MTUS2: variants seen among roughly 807,000 people sequenced by gnomAD.
The protein encoded by MTUS2 is microtubule-associated tumor suppressor candidate 2.
In MTUS2, 40 loss-of-function variants were observed where a neutral mutation model predicts 114.1. The ratio of observed to expected loss-of-function variants is 0.35; its 90% CI spans 0.27 to 0.46. The LOEUF is 0.46. Among genes scored for constraint, MTUS2 ranks in the 20% least tolerant of loss-of-function variants. The pLI, the probability that MTUS2 is intolerant of heterozygous loss-of-function variation, is 1.00. For synonymous variants in MTUS2, 688 were observed against 672.0 expected, an observed-to-expected ratio of 1.02 and a Z score of -0.37; for missense variants, 1,679 against 1,705.4, an observed-to-expected ratio of 0.98 and a Z score of 0.27.
chr13:28,889,914 A>G lies in MTUS2; in HGVS notation c.-243+50064A>G, dbSNP rs1487925924. 2.0e-5 allele frequency among the ~76,000 whole-genome samples: 3 copies of G among 152,086 alleles called. No individual in the cohort carries two copies. The East Asian group carries it at 5.8e-4, about 29-fold the overall frequency. ...AATGCAGGTGTGTGAGGCTGAGGTG[A>G]GGGGATGCAGGATGTGGGGTGCCCC... On this transcript the variant is annotated intron_variant, in intron 2 of 15. Transcript: ENST00000612955.
At chr13:28,869,697 G>A (rs1351237630) in intron 2 of MTUS2, among the ~76,000 whole-genome samples, 1 of 152,168 alleles carries the variant, frequency 6.6e-6, no homozygotes, top group African/African-American at 2.4e-5. Context: ...CTTGAACCTG[G>A]AAGGTGGAGG....
chr13:29,211,667 A>G (rs1280847771), intron 5 of MTUS2, among the ~76,000 whole-genome samples: 2 of 152,072 alleles, frequency 1.3e-5, no homozygotes, highest in Non-Finnish European at 2.9e-5. Context: ...TCAGCTCTCT[A>G]AATTTGTCTT....
chr13:28,960,969 A>G (rs1452177382), intron 2 of MTUS2, among the ~76,000 whole-genome samples: 1 of 152,196 alleles, frequency 6.6e-6, no homozygotes, highest in African/African-American at 2.4e-5. Flanking sequence ...CCAAATGGAC[A>G]TTGTAGAACT....
At chr13:29,406,788 A>G (rs7335657) in intron 8 of MTUS2, among the ~76,000 whole-genome samples, 1,757 of 149,718 alleles carry the variant, frequency 0.012, 35 homozygotes, top group African/African-American at 0.041. Context: ...GTGTTTGCCT[A>G]TTTTTACTCT....
chr13:29,020,121 G>A (rs1641541948), intron 2 of MTUS2, among the ~76,000 whole-genome samples: 1 of 152,152 alleles, frequency 6.6e-6, no homozygotes, highest in Non-Finnish European at 1.5e-5. Flanking sequence ...CATCAGGTAG[G>A]TTATAAGCCT....
chr13:28,860,584 G>A (rs1288269274), intron 2 of MTUS2, among the ~76,000 whole-genome samples: 3 of 152,154 alleles, frequency 2.0e-5, no homozygotes, highest in Non-Finnish European at 4.4e-5. Context: ...ATCGCCACAT[G>A]CTGCATGTCA....
chr13:29,173,789 T>TA (rs910109870), intron 5 of MTUS2, among the ~76,000 whole-genome samples: 62 of 152,180 alleles, frequency 4.1e-4, no homozygotes, highest in African/African-American at 1.4e-3. Flanking sequence ...AAACCTGCAT[T>TA]AAAAAAACTC....
chr13:29,366,231 T>C (rs1029411014), intron 8 of MTUS2, among the ~76,000 whole-genome samples: 18 of 152,168 alleles, frequency 1.2e-4, no homozygotes, highest in African/African-American at 4.1e-4. Flanking sequence ...CTCACAATCA[T>C]GGCAGAAGGT....
intron 2 of MTUS2, among the ~76,000 whole-genome samples, chr13:28,971,525 C>T (rs766127568): frequency 3.3e-5 from 5 of 152,116 alleles, no homozygotes; most frequent in Non-Finnish European, 7.4e-5. Context: ...CCCATTAGGA[C>T]TTCAACAGTA....
chr13:28,910,189 C>T (rs996209679), intron 2 of MTUS2, among the ~76,000 whole-genome samples: 2 of 152,132 alleles, frequency 1.3e-5, no homozygotes, highest in African/African-American at 4.8e-5. Flanking sequence ...CGTTACCCTT[C>T]CCAGCCTCTG....
chr13:29,389,321 A>AGATGTGTG (rs1872894696), intron 8 of MTUS2, among the ~76,000 whole-genome samples: 1 of 54,758 alleles, frequency 1.8e-5, no homozygotes, highest in Non-Finnish European at 4.9e-5. Flanking sequence ...ATGTATACAC[A>AGATGTGTG]TATGTGTGTA....
At chr13:29,043,704 G>A (rs1412445086) in intron 4 of MTUS2, among the ~76,000 whole-genome samples, 1 of 13,404 alleles carries the variant, frequency 7.5e-5, no homozygotes, top group Non-Finnish European at 3.2e-4. Flanking sequence ...TAATCTTCCT[G>A]TTTGTCTTTT....
intron 10 of MTUS2, chr13:29,485,323 A>G (rs1215616424): frequency 1.3e-5 from 2 of 152,710 alleles, no homozygotes; most frequent in South Asian, 2.1e-4. Context: ...AAAGAAGCCA[A>G]GAACCATAGG....
At chr13:28,859,144 T>A (rs191006811) in intron 2 of MTUS2, among the ~76,000 whole-genome samples, 23 of 152,276 alleles carry the variant, frequency 1.5e-4, no homozygotes, top group Non-Finnish European at 2.1e-4. Flanking sequence ...GAATTAGGTG[T>A]TGCTAGCTGC....
At chr13:28,840,017 A>T (rs1320379787) in intron 2 of MTUS2, among the ~76,000 whole-genome samples, 167 bp downstream of exon 2, 1 of 141,990 alleles carries the variant, frequency 7.0e-6, no homozygotes, top group Non-Finnish European at 1.5e-5. Context: ...AAAATAAATT[A>T]TATGAAAGCT....
At chr13:28,872,494 T>C (rs1877677838) in intron 2 of MTUS2, among the ~76,000 whole-genome samples, 1 of 152,074 alleles carries the variant, frequency 6.6e-6, no homozygotes, top group Non-Finnish European at 1.5e-5. Flanking sequence ...AAGGAAAAAA[T>C]ATTTATTTGG....
At chr13:29,227,149 C>T (rs906696481) in intron 5 of MTUS2, among the ~76,000 whole-genome samples, 3 of 151,166 alleles carry the variant, frequency 2.0e-5, no homozygotes, top group South Asian at 2.1e-4. Flanking sequence ...ATACGAGCTA[C>T]TCGGGAGGCT....
chr13:29,380,688 G>T lies in MTUS2; in HGVS notation c.3117+21215G>T, dbSNP rs1441626371. Among the ~76,000 whole-genome samples, 2 of 18,092 alleles carry T rather than the reference G, an allele frequency of 1.1e-4. 1 individual carries two copies. The highest frequency in any genetic ancestry group is 1.5e-4 in the African/African-American group (2 of 13,356). The allele number at this position is 18,092 out of a possible 152,430, so 11.9% of individuals were successfully genotyped here. A position where few individuals can be genotyped will look rare whatever the true frequency, so the allele number is the denominator to read the frequency against. ...TCCCAGCACTTTGGGAGGCCGAGGC[G>T]GGTGGATCATGAGGTCAGGAGATCG... On this transcript the variant is annotated intron_variant, in intron 8 of 15. Coordinates refer to ENST00000612955, the MANE Select transcript of MTUS2 (RefSeq NM_001033602.4).
At chr13:29,105,648 T>G (rs1890629005) in intron 5 of MTUS2, among the ~76,000 whole-genome samples, 2 of 16,618 alleles carry the variant, frequency 1.2e-4, no homozygotes, top group Non-Finnish European at 1.7e-3. Context: ...GTTTTTCTCC[T>G]GTTTTTTTCT....
Sources: gnomAD v4.1 joint callset for allele counts (sites outside exome capture counted in the v4.1 genomes callset) on GRCh38, gnomAD v4.1.1 for gene constraint, MANE v1.5 for transcripts, NCBI Gene and HGNC (gene_info 2026-07-23, HGNC 2026-07-21) for gene names.